CAST: variants seen among roughly 807,000 people sequenced by gnomAD.
CAST encodes the protein MIR583 host.
A neutral mutation model predicts 119.6 loss-of-function variants in CAST; 76 were observed. The ratio of observed to expected loss-of-function variants is 0.64; its 90% CI spans 0.53 to 0.77. The LOEUF (loss-of-function observed/expected upper bound fraction) is 0.77, where lower values mean the gene tolerates loss of function less well. Among genes scored for constraint, CAST ranks in the 30% least tolerant of loss-of-function variants. The pLI, the probability that CAST is intolerant of heterozygous loss-of-function variation, is 0.00. For missense variants in CAST, 953 were observed against 946.5 expected (o/e 1.01, Z -0.09); for synonymous variants, 319 against 331.6 (o/e 0.96, Z 0.41).
At chr5:96,259,638 A>T in the CAST span, among the ~76,000 whole-genome samples, 7 of 152,120 alleles carry the variant, frequency 4.6e-5, no homozygotes, top group Non-Finnish European at 8.8e-5. Flanking sequence ...GGGCTGTGGG[A>T]TGCTGCTACA....
chr5:96,434,024 T>G, the CAST span: 1 of 152,312 alleles, frequency 6.6e-6, no homozygotes, highest in East Asian at 1.9e-4. Context: ...TCCCAAAAGC[T>G]GTTGTGTTGA....
the CAST span, among the ~76,000 whole-genome samples, chr5:96,238,151 C>T: frequency 1.3e-5 from 2 of 151,806 alleles, no homozygotes; most frequent in African/African-American, 4.8e-5. Flanking sequence ...ACATTTTAAC[C>T]TTTGAGACAT....
At position 96,575,327 on chromosome 5, in the gene CAST, T is replaced by C. The variant is rs374243622; in HGVS notation, c.60+45447T>C. Among the ~76,000 whole-genome samples the C allele has an allele frequency of 6.3e-4, 96 of 152,272 alleles. 3 individuals are homozygous for C. The South Asian group carries it at 0.019, about 31-fold the overall frequency. ...TGGTACATTTCTTGAAATTTCTACATAAACAACCATATCCTCTGCAAACAG... is the reference window on the plus strand; with the variant it reads ...TGGTACATTTCTTGAAATTTCTACACAAACAACCATATCCTCTGCAAACAG... On this transcript the variant is annotated intron_variant, in intron 1 of 11. Transcript: ENST00000505143.
At chr5:96,012,513 A>G in the CAST span, among the ~76,000 whole-genome samples, 1 of 152,130 alleles carries the variant, frequency 6.6e-6, no homozygotes, top group Non-Finnish European at 1.5e-5. Flanking sequence ...AGTCTTTTCC[A>G]TCCTATGAAT....
chr5:95,981,805 G>A, the CAST span, among the ~76,000 whole-genome samples: 4 of 152,178 alleles, frequency 2.6e-5, no homozygotes, highest in African/African-American at 7.2e-5. Context: ...AACCCGGGAG[G>A]TGGAGGTTGC....
intron 1 of CAST, among the ~76,000 whole-genome samples, chr5:96,626,749 T>C (rs261234): frequency 0.32 from 48,576 of 152,048 alleles, 7,994 homozygotes; most frequent in South Asian, 0.4. Context: ...AGATTGCTGT[T>C]CTCCGCTAAA....
the CAST span, among the ~76,000 whole-genome samples, chr5:96,490,444 A>G: frequency 2.6e-5 from 4 of 152,190 alleles, no homozygotes; most frequent in African/African-American, 9.7e-5. Context: ...GACTAAGTAT[A>G]GCAAGTCATA....
chr5:96,362,800 T>C, the CAST span, among the ~76,000 whole-genome samples: 7 of 152,170 alleles, frequency 4.6e-5, no homozygotes, highest in African/African-American at 1.7e-4. Flanking sequence ...TTCACTCTGA[T>C]GGTAGTTTCT....
At chr5:96,318,200 C>T in the CAST span, among the ~76,000 whole-genome samples, 1 of 152,242 alleles carries the variant, frequency 6.6e-6, no homozygotes, top group Admixed American at 6.5e-5. Flanking sequence ...GGAGCAATTG[C>T]TCCCCTGGCT....
At chr5:96,702,885 C>A (rs1581028642) in intron 3 of CAST, 2 of 985,394 alleles carry the variant, frequency 2.0e-6, no homozygotes, top group African/African-American at 3.5e-5. Flanking sequence ...AAAACCAAGC[C>A]GAGGACTGCG....
chr5:96,153,316 CAG>C, the CAST span, among the ~76,000 whole-genome samples: 5 of 151,844 alleles, frequency 3.3e-5, no homozygotes, highest in Non-Finnish European at 5.9e-5. Flanking sequence ...GCCCTCCTCA[CAG>C]AGAGAGAGAG....
At chr5:96,650,782 C>T (rs79841535) in intron 1 of CAST, among the ~76,000 whole-genome samples, 3,603 of 146,580 alleles carry the variant, frequency 0.025, 151 homozygotes, top group African/African-American at 0.086. Flanking sequence ...TGTGGGCATT[C>T]GTGGGAGCAT....
the CAST span, among the ~76,000 whole-genome samples, chr5:96,401,807 C>T: frequency 6.6e-6 from 1 of 152,144 alleles, no homozygotes; most frequent in Non-Finnish European, 1.5e-5. Context: ...CCATCTTGTT[C>T]TCTGATGTGT....
intron 19 of CAST, 49 bp from the exon 20 acceptor site, chr5:96,750,538 T>C (rs1314183052): frequency 1.6e-6 from 2 of 1,219,736 alleles, no homozygotes; most frequent in Admixed American, 3.4e-5. Context: ...CTCAGTCTTA[T>C]TAACCAAATA....
At chr5:96,206,091 G>T in the CAST span, among the ~76,000 whole-genome samples, 6 of 151,844 alleles carry the variant, frequency 4.0e-5, no homozygotes, top group East Asian at 1.2e-3. Flanking sequence ...TTTTTTGAAT[G>T]CTTTGTGGCT....
chr5:96,558,902 A>C (rs1746298992), intron 1 of CAST, among the ~76,000 whole-genome samples: 2 of 150,324 alleles, frequency 1.3e-5, no homozygotes, highest in Admixed American at 1.3e-4. Context: ...GAGACACAAC[A>C]AAAAAAGAGA....
chr5:96,511,014 G>C, the CAST span, among the ~76,000 whole-genome samples: 4 of 152,058 alleles, frequency 2.6e-5, no homozygotes, highest in East Asian at 7.7e-4. Flanking sequence ...ATCCACTCCT[G>C]GCTTGTGTGG....
chr5:96,464,318 C>G, the CAST span, among the ~76,000 whole-genome samples: 1 of 151,836 alleles, frequency 6.6e-6, no homozygotes, highest in African/African-American at 2.4e-5. Flanking sequence ...TCAGGAACTC[C>G]TTTGTTCAGT....
intron 4 of CAST, among the ~76,000 whole-genome samples, chr5:96,724,660 G>A (rs950586303): frequency 7.9e-5 from 12 of 151,486 alleles, no homozygotes; most frequent in African/African-American, 2.7e-4. Flanking sequence ...GCGAGATCCC[G>A]TGTCTACAAA....
Sources: gnomAD v4.1 joint callset for allele counts (sites outside exome capture counted in the v4.1 genomes callset) on GRCh38, gnomAD v4.1.1 for gene constraint, MANE v1.5 for transcripts, NCBI Gene and HGNC (gene_info 2026-07-23, HGNC 2026-07-21) for gene names.